The following ADPRHL1 variants were observed in gnomAD, a reference collection of about 807,000 sequenced individuals.
ADPRHL1 encodes ADP-ribosylhydrolase like 1.
A neutral mutation model predicts 44.1 loss-of-function variants in ADPRHL1; 43 were observed. The ratio of observed to expected loss-of-function variants is 0.98; its 90% confidence interval spans 0.76 to 1.26. The LOEUF (loss-of-function observed/expected upper bound fraction) is 1.26. Ranked by LOEUF, ADPRHL1 falls within the 50% of genes most tolerant of loss-of-function variation. The pLI is 0.00. For missense variants in ADPRHL1, 2,022 were observed against 2,496.9 expected, an observed-to-expected ratio of 0.81 and a Z score of 4.05; for synonymous variants, 878 against 1,017.4, an observed-to-expected ratio of 0.86 and a Z score of 2.61.
chr13:113,424,370 C>CG lies in ADPRHL1; in HGVS notation c.775-22dup. 4.3e-6 allele frequency: 7 copies of CG among 1,612,268 alleles called. No individual in the cohort carries two copies. The South Asian group carries it at 7.7e-5, about 18-fold the overall frequency. ...TAGGTCTGACAAGAGAGCCGTGGGT[C>CG]GGGGCGTGTGCCCAAGTGGAGCCAC... On this transcript the variant is annotated intron_variant, in intron 5 of 7. Coordinates refer to ENST00000612156, the MANE Select transcript of ADPRHL1 (RefSeq NM_001394807.1).
chr13:113,435,476 C>T (rs1485849454), intron 2 of ADPRHL1, among the ~76,000 whole-genome samples: 3 of 103,718 alleles, frequency 2.9e-5, no homozygotes, highest in African/African-American at 4.0e-5. Flanking sequence ...CCCCGGGACC[C>T]GGCACCCAGG....
At position 113,405,007 on chromosome 13, in the gene ADPRHL1, G is replaced by C. The variant is rs1026284940; in HGVS notation, c.4275C>G (p.Asp1425Glu). ...CCCCAACCCCAATGGCCATCCCTTT[G>C]TCCCCGGCCAGATCCTGTGCCCACC... The part of the protein sequence containing the change: ...QTWWAQDLAG[D>E]KGMAIGVGGA... Residue 1425 changes from aspartate to glutamate, a missense_variant, in exon 8 of 8, where the codon GAC becomes GAG. Coordinates refer to ENST00000612156, the MANE Select transcript of ADPRHL1 (RefSeq NM_001394807.1). 2 of 1,233,816 alleles carry C rather than the reference G, an allele frequency of 1.6e-6. No individual in the cohort carries two copies. The highest frequency in any genetic ancestry group is 3.1e-5 in the African/African-American group (2 of 64,444). The allele number at this position is 1,233,816 out of a possible 1,614,324, so 76.4% of individuals were successfully genotyped here.
chr13:113,416,357 C>G (rs7989627), intron 7 of ADPRHL1, among the ~76,000 whole-genome samples: 6,802 of 152,072 alleles, frequency 0.045, 498 homozygotes, highest in African/African-American at 0.15. Context: ...CTGGGACCCA[C>G]AAAGGGGCGT....
intron 7 of ADPRHL1, among the ~76,000 whole-genome samples, chr13:113,412,776 CCCGCAGAA>C: frequency 9.5e-6 from 1 of 104,772 alleles, no homozygotes; most frequent in Non-Finnish European, 2.2e-5. Context: ...CCAACAGCGC[CCCGCAGAA>C]CTCGGTTCAC....
chr13:113,414,850 A>G (rs1269238564), intron 7 of ADPRHL1, among the ~76,000 whole-genome samples: 1 of 151,150 alleles, frequency 6.6e-6, no homozygotes, highest in Non-Finnish European at 1.5e-5. Flanking sequence ...TAATTTTTGT[A>G]TTTTTTTAGA....
At chr13:113,431,766 A>T (rs902617628) in intron 3 of ADPRHL1, among the ~76,000 whole-genome samples, 2 of 152,052 alleles carry the variant, frequency 1.3e-5, no homozygotes, top group African/African-American at 4.8e-5. Context: ...CCCAGGCTGG[A>T]GTGCAGTGGT....
rs755067590 is a variant in ADPRHL1, at chr13:113,424,281, A to G, written c.843T>C (p.Tyr281=). Residue 281 remains tyrosine, a synonymous_variant, in exon 6 of 8, where the codon TAT becomes TAC. Coordinates refer to ENST00000612156, the MANE Select transcript of ADPRHL1 (RefSeq NM_001394807.1). ...RRGHDAPMIA[Y]DALLAAGNSW... ...TGTTTCCTGCTGCAAGGAGGGCGTC[A>G]TAGGCTATCATGGGGGCATCGTGGC... is the stretch of plus-strand genomic sequence containing the variant. The G allele has an allele frequency of 1.3e-5, 21 of 1,612,964 alleles. No individual in the cohort carries two copies. The South Asian group carries it at 2.2e-4, about 17-fold the overall frequency.
intron 2 of ADPRHL1, among the ~76,000 whole-genome samples, chr13:113,434,565 T>C (rs1460950948): frequency 7.2e-6 from 1 of 138,980 alleles, no homozygotes. Context: ...CACCCAGGTG[T>C]AGAGTGAACA....
chr13:113,446,052 G>A (rs1419620513), intron 1 of ADPRHL1, among the ~76,000 whole-genome samples: 1 of 137,272 alleles, frequency 7.3e-6, no homozygotes, highest in Non-Finnish European at 1.5e-5. Context: ...GAGAGAGCGT[G>A]CAGGGCCCGG....
chr13:113,422,719 G>T (rs556142247), intron 7 of ADPRHL1, 107 bp downstream of exon 7: 7 of 1,425,586 alleles, frequency 4.9e-6, no homozygotes, highest in Non-Finnish European at 6.7e-6. Context: ...GGCACAGACC[G>T]CAGTGGAGCC....
Position 113,403,345 on chromosome 13 carries a change from G to A in ADPRHL1, c.*33C>T. On this transcript the variant is annotated 3_prime_UTR_variant, in exon 8 of 8. Transcript: ENST00000612156. ...AGTCCCTCAATGGGCGGATGTCACA[G>A]TGCTGGGCGAGCCACGGTGTGTACT... 1.6e-6 allele frequency: 2 copies of A among 1,231,826 alleles called. No individual in the cohort carries two copies. The highest frequency in any genetic ancestry group is 2.0e-6 in the Non-Finnish European group (2 of 987,884). The allele number at this position is 1,231,826 out of a possible 1,614,324, so 76.3% of individuals were successfully genotyped here.
At chr13:113,423,814 A>T (rs181169509) in intron 6 of ADPRHL1, among the ~76,000 whole-genome samples, 15 of 152,356 alleles carry the variant, frequency 9.8e-5, no homozygotes, top group African/African-American at 3.6e-4. Context: ...AAAGGACAAG[A>T]TGACGGTGAC....
chr13:113,424,993 G>A (rs2043957606), intron 5 of ADPRHL1, 59 bp downstream of exon 5: 1 of 1,597,992 alleles, frequency 6.3e-7, no homozygotes, highest in East Asian at 2.2e-5. Flanking sequence ...CACTTGCTAT[G>A]CACTTATTGA....
intron 2 of ADPRHL1, 54 bp from the exon 3 acceptor site, chr13:113,433,921 T>G: frequency 1.4e-6 from 2 of 1,478,692 alleles, no homozygotes; most frequent in Non-Finnish European, 1.8e-6. Flanking sequence ...ATTCCACCCC[T>G]GACAATCTAG....
At chr13:113,452,413 G>A (rs1201995957) in intron 1 of ADPRHL1, among the ~76,000 whole-genome samples, 2 of 152,212 alleles carry the variant, frequency 1.3e-5, no homozygotes, top group Non-Finnish European at 1.5e-5. Context: ...GAATGGTGGA[G>A]TGAACGCATA....
At chr13:113,437,619 C>A (rs926046952) in intron 2 of ADPRHL1, among the ~76,000 whole-genome samples, 1 of 152,228 alleles carries the variant, frequency 6.6e-6, no homozygotes, top group Non-Finnish European at 1.5e-5. Context: ...GAAGCGCCCA[C>A]GTTGTTGGGG....
chr13:113,406,614 T>A lies in ADPRHL1; in HGVS notation c.2668A>T (p.Thr890Ser). 8.1e-7 allele frequency: 1 copy of A among 1,232,050 alleles called. No homozygotes were observed. The allele number at this position is 1,232,050 out of a possible 1,614,324, so 76.3% of individuals were successfully genotyped here. The change falls in exon 8 of 8, where the codon ACT becomes TCT. Residue 890 changes from threonine to serine, a missense_variant. Thr to Ser is a moderately conservative substitution (Grantham distance 58, BLOSUM62 1). This residue lies in a region of ADPRHL1 where 1,221 missense variants were observed against 1,517.8 expected (regional missense o/e 0.80). Transcript: ENST00000612156. ...GCTCGGTGACCCCTTCTGTTCTCAG[T>A]CACGGTGGGAAATTCTGTGTGGGCA... ...ENAHTEFPTV[T>S]ENRRGHRAPV... is the part of the protein sequence containing the mutation.
rs190489811 is a variant in ADPRHL1, at chr13:113,417,886, A to G, written c.1061+4940T>C. ...AATGGGACCTTTGGAATGCATTTCA[A>G]TGATGGAGTTTTTAAAGCACAGATG... On this transcript the variant is annotated intron_variant, in intron 7 of 7. Transcript: ENST00000612156. Among the ~76,000 whole-genome samples, 945 of 152,342 alleles carry G rather than the reference A, an allele frequency of 6.2e-3. 5 individuals are homozygous for G. The highest frequency in any genetic ancestry group is 0.01 in the Middle Eastern group (3 of 294).
At chr13:113,420,117 A>G (rs1017553360) in intron 7 of ADPRHL1, among the ~76,000 whole-genome samples, 8 of 152,204 alleles carry the variant, frequency 5.3e-5, no homozygotes, top group Non-Finnish European at 1.0e-4. Context: ...GAAGCTGTGC[A>G]CACGTCATTT....
Sources: allele counts gnomAD v4.1 joint callset (sites outside exome capture counted in the v4.1 genomes callset), GRCh38; gene constraint gnomAD v4.1.1; regional missense constraint gnomAD v4.1.1; transcripts MANE v1.5; gene names NCBI Gene and HGNC (gene_info 2026-07-23, HGNC 2026-07-21).